The following ZUP1 variants were observed in gnomAD, a reference collection of about 807,000 sequenced individuals.
ZUP1 encodes the protein zinc finger-containing ubiquitin peptidase 1.
In ZUP1, 55 loss-of-function variants were observed where a neutral mutation model predicts 68.1. The ratio of observed to expected loss-of-function variants is 0.81; its 90% CI spans 0.65 to 1.01. The LOEUF is 1.01. Among genes scored for constraint, ZUP1 ranks in the 50% least tolerant of loss-of-function variants. ZUP1 has a pLI of 0.00. For synonymous variants in ZUP1, 223 were observed against 221.5 expected (o/e 1.01, Z -0.06); for missense variants, 684 against 674.9 (o/e 1.01, Z -0.15).
intron 4 of ZUP1, among the ~76,000 whole-genome samples, chr6:116,657,288 T>A (rs1776700951): frequency 6.6e-6 from 1 of 152,240 alleles, no homozygotes; most frequent in Non-Finnish European, 1.5e-5. Flanking sequence ...AAATGAACTA[T>A]GTTTTGTACA....
At chr6:116,648,679 C>T (rs1776387918) in intron 7 of ZUP1, among the ~76,000 whole-genome samples, 1 of 151,952 alleles carries the variant, frequency 6.6e-6, no homozygotes, top group Non-Finnish European at 1.5e-5. Flanking sequence ...ACAAAAATTA[C>T]GGCTGGGTGC....
At chr6:116,637,820 T>C (rs990185003) in intron 9 of ZUP1, among the ~76,000 whole-genome samples, 8 of 152,242 alleles carry the variant, frequency 5.3e-5, no homozygotes, top group South Asian at 4.1e-4. Context: ...CCCAGCACTT[T>C]GGTAGGCCAA....
In ZUP1 at chr6:116,649,047, T is replaced by C. The variant is rs576805925; in HGVS notation, c.1317-1437A>G. On this transcript the variant is annotated intron_variant, in intron 7 of 9. Coordinates refer to ENST00000368576, the MANE Select transcript of ZUP1 (RefSeq NM_145062.3). ...AAAACATGATAGAGTATAAATAATC[T>C]CAAAGTGTGAACACATTGGCAAAAA... 5.3e-5 allele frequency among the ~76,000 whole-genome samples: 8 copies of C among 151,346 alleles called. No homozygotes were observed. In the South Asian group the frequency reaches 1.5e-3, roughly 28 times the overall value.
chr6:116,660,688 G>C, intron 3 of ZUP1, 48 bp downstream of exon 3: 1 of 1,097,266 alleles, frequency 9.1e-7, no homozygotes, highest in Non-Finnish European at 1.3e-6. Flanking sequence ...ATGTGTCCTA[G>C]AAAGTAGAAA....
intron 7 of ZUP1, 93 bp from the exon 8 acceptor site, chr6:116,647,703 C>T (rs1160372677): frequency 1.0e-6 from 1 of 986,028 alleles, no homozygotes; most frequent in Non-Finnish European, 1.4e-6. Flanking sequence ...TAGTTTAGAA[C>T]TAACTGTTTC....
intron 9 of ZUP1, among the ~76,000 whole-genome samples, chr6:116,642,790 C>T (rs9374617): frequency 0.19 from 28,373 of 151,680 alleles, 2,825 homozygotes; most frequent in East Asian, 0.29. Flanking sequence ...ACAGGGATGC[C>T]CTCTCTCACC....
intron 9 of ZUP1, among the ~76,000 whole-genome samples, chr6:116,638,746 C>T (rs1775980642): frequency 6.6e-6 from 1 of 152,162 alleles, no homozygotes; most frequent in Non-Finnish European, 1.5e-5. Flanking sequence ...TCTACAGCTC[C>T]CAGCATGAGT....
chr6:116,641,576 C>T (rs1039491300), intron 9 of ZUP1, among the ~76,000 whole-genome samples: 1 of 152,132 alleles, frequency 6.6e-6, no homozygotes, highest in African/African-American at 2.4e-5. Flanking sequence ...GAACAACCTG[C>T]TCCTGAATGA....
At chr6:116,657,822 G>A (rs1184192576) in intron 4 of ZUP1, among the ~76,000 whole-genome samples, 1 of 152,204 alleles carries the variant, frequency 6.6e-6, no homozygotes, top group Admixed American at 6.5e-5. Context: ...CAGGCACGGT[G>A]GCTCATGCCT....
At chr6:116,650,241 G>A (rs189376211) in intron 7 of ZUP1, among the ~76,000 whole-genome samples, 176 of 152,066 alleles carry the variant, frequency 1.2e-3, no homozygotes, top group African/African-American at 4.1e-3. Flanking sequence ...GGCCAACATG[G>A]TGAAACCTCG....
intron 2 of ZUP1, among the ~76,000 whole-genome samples, chr6:116,665,427 T>C (rs1239406082): frequency 2.0e-5 from 3 of 152,072 alleles, no homozygotes; most frequent in Non-Finnish European, 4.4e-5. Context: ...AATTGTCAAG[T>C]TGCACTTCAT....
At chr6:116,645,449 C>T (rs1776260796) in intron 9 of ZUP1, among the ~76,000 whole-genome samples, 1 of 151,722 alleles carries the variant, frequency 6.6e-6, no homozygotes, top group African/African-American at 2.4e-5. Context: ...GGTGTGGTGG[C>T]ATGTGCCTGT....
chr6:116,668,145 C>G (rs1777065314), intron 1 of ZUP1, among the ~76,000 whole-genome samples: 1 of 152,138 alleles, frequency 6.6e-6, no homozygotes, highest in Non-Finnish European at 1.5e-5. Flanking sequence ...ATAAATTTAC[C>G]TTTAAAATAC....
intron 9 of ZUP1, among the ~76,000 whole-genome samples, chr6:116,641,375 G>A (rs532602501): frequency 1.0e-3 from 153 of 152,116 alleles, no homozygotes; most frequent in Admixed American, 8.7e-3. Context: ...CCCCAAATCA[G>A]CAGAATATAC....
At chr6:116,647,975 T>C (rs1776365858) in intron 7 of ZUP1, among the ~76,000 whole-genome samples, 1 of 152,242 alleles carries the variant, frequency 6.6e-6, no homozygotes, top group Non-Finnish European at 1.5e-5. Flanking sequence ...CATCTACACA[T>C]AATTTTTTCA....
At chr6:116,657,022 CACAA>C (rs71842671) in intron 4 of ZUP1, among the ~76,000 whole-genome samples, 170 bp from the exon 5 acceptor site, 9,401 of 90,168 alleles carry the variant, frequency 0.1, 325 homozygotes, top group South Asian at 0.16. Flanking sequence ...CACACACACA[CACAA>C]AAAAAAATTA....
At chr6:116,666,570 T>A (rs1777015628) in intron 2 of ZUP1, 64 bp downstream of exon 2, 1 of 1,410,720 alleles carries the variant, frequency 7.1e-7, no homozygotes, top group South Asian at 1.6e-5. Context: ...AAACCAACTT[T>A]TAAAATACCA....
At chr6:116,638,252 T>C (rs1384771485) in intron 9 of ZUP1, among the ~76,000 whole-genome samples, 1 of 152,182 alleles carries the variant, frequency 6.6e-6, no homozygotes, top group Admixed American at 6.5e-5. Flanking sequence ...GTGAAGTATT[T>C]TGGAGCTTTT....
intron 9 of ZUP1, among the ~76,000 whole-genome samples, chr6:116,636,394 T>G (rs1775911022): frequency 6.6e-6 from 1 of 152,168 alleles, no homozygotes. Flanking sequence ...ATGGAAAATT[T>G]ACGAATATAG....
Sources: gnomAD v4.1 joint callset for allele counts (sites outside exome capture counted in the v4.1 genomes callset) on GRCh38, gnomAD v4.1.1 for gene constraint, MANE v1.5 for transcripts, NCBI Gene and HGNC (gene_info 2026-07-23, HGNC 2026-07-21) for gene names.